The following OSBPL9 variants were observed in gnomAD, a reference collection of about 807,000 sequenced individuals.
The protein encoded by OSBPL9 is oxysterol binding protein like 9, also known as oxysterol-binding protein-related protein 9.
A neutral mutation model predicts 106.6 loss-of-function variants in OSBPL9; 40 were observed. The ratio of observed to expected loss-of-function variants is 0.38; its 90% confidence interval spans 0.29 to 0.49. OSBPL9 has a LOEUF of 0.49. Among genes scored for constraint, OSBPL9 ranks in the 20% least tolerant of loss-of-function variants. The probability of loss-of-function intolerance (pLI) is 0.97; values close to 1 mark genes in which losing one functional copy is unlikely to be tolerated. For synonymous variants in OSBPL9, 269 were observed against 295.4 expected (o/e 0.91, Z 0.92); for missense variants, 609 against 887.2 (o/e 0.69, Z 3.98).
chr1:51,669,933 C>A, intron 3 of OSBPL9: 2 of 384,508 alleles, frequency 5.2e-6, no homozygotes, highest in South Asian at 1.9e-5. Context: ...TAAATTGAAG[C>A]TTAGTGGCAA....
chr1:51,771,837 T>C (rs1673968308), intron 12 of OSBPL9, among the ~76,000 whole-genome samples: 1 of 152,210 alleles, frequency 6.6e-6, no homozygotes, highest in African/African-American at 2.4e-5. Context: ...AGTTTTAAAC[T>C]TAAATGCAGA....
chr1:51,624,704 A>G, intron 1 of OSBPL9, among the ~76,000 whole-genome samples: 1 of 152,226 alleles, frequency 6.6e-6, no homozygotes, highest in East Asian at 1.9e-4. Flanking sequence ...GAAATTTTTT[A>G]TCTTTTACTT....
chr1:51,745,154 A>C (rs1667723287), intron 4 of OSBPL9: 1 of 171,476 alleles, frequency 5.8e-6, no homozygotes, highest in African/African-American at 2.4e-5. Context: ...GAATGAACTG[A>C]ATGAAAAAGG....
intron 1 of OSBPL9, among the ~76,000 whole-genome samples, chr1:51,594,556 ACT>A (rs1417980013): frequency 6.6e-6 from 1 of 152,224 alleles, no homozygotes; most frequent in Non-Finnish European, 1.5e-5. Context: ...CTGCATGCCA[ACT>A]GTGTGCTCCA....
chr1:51,728,889 A>G (rs1174823277), intron 4 of OSBPL9, among the ~76,000 whole-genome samples: 1 of 152,138 alleles, frequency 6.6e-6, no homozygotes, highest in African/African-American at 2.4e-5. Context: ...GTAGAGACAT[A>G]AAAGTACAAA....
At chr1:51,695,549 TATA>T (rs1655839432) in intron 3 of OSBPL9, among the ~76,000 whole-genome samples, 1 of 152,200 alleles carries the variant, frequency 6.6e-6, no homozygotes, top group South Asian at 2.1e-4. Context: ...TTCTGTTTGC[TATA>T]ATATCTCCAA....
chr1:51,567,394 C>G, the OSBPL9 span: 1 of 152,214 alleles, frequency 6.6e-6, no homozygotes, highest in Non-Finnish European at 1.5e-5. Flanking sequence ...AATCCACCTA[C>G]TATCCTCTAG....
At chr1:51,672,391 T>C (rs574949389) in intron 3 of OSBPL9, among the ~76,000 whole-genome samples, 209 of 152,274 alleles carry the variant, frequency 1.4e-3, no homozygotes, top group South Asian at 3.3e-3. Context: ...AATATACAGT[T>C]AGGCATTTTA....
At chr1:51,752,515 G>T (rs1368848230) in intron 8 of OSBPL9, 2 of 455,982 alleles carry the variant, frequency 4.4e-6, no homozygotes, top group Non-Finnish European at 8.8e-6. Flanking sequence ...TACAATCTTG[G>T]TGAGGAATTT....
At chr1:51,594,727 G>C (rs1570535883) in intron 1 of OSBPL9, 1 of 152,244 alleles carries the variant, frequency 6.6e-6, no homozygotes, top group African/African-American at 2.4e-5. Context: ...GTAGCGAGTA[G>C]GGATTTCAGC....
At chr1:51,707,480 T>G (rs575623551) in intron 3 of OSBPL9, 140 of 182,058 alleles carry the variant, frequency 7.7e-4, no homozygotes, top group African/African-American at 2.8e-3. Context: ...AGTTTGGGGA[T>G]GACCTTGCCT....
chr1:51,739,786 T>C (rs774201637), intron 4 of OSBPL9, among the ~76,000 whole-genome samples: 44 of 152,140 alleles, frequency 2.9e-4, no homozygotes, highest in Admixed American at 1.7e-3. Flanking sequence ...GGATTGTAAA[T>C]GTTTCCAAAT....
At chr1:51,640,957 A>T (rs1645755395) in intron 1 of OSBPL9, among the ~76,000 whole-genome samples, 1 of 151,514 alleles carries the variant, frequency 6.6e-6, no homozygotes, top group Non-Finnish European at 1.5e-5. Flanking sequence ...CTAATTAAAA[A>T]AAATTTTTTT....
chr1:51,625,640 C>T (rs1375303567), intron 1 of OSBPL9, among the ~76,000 whole-genome samples: 3 of 152,080 alleles, frequency 2.0e-5, no homozygotes, highest in African/African-American at 7.2e-5. Flanking sequence ...CACCTCACCT[C>T]AGCCTCCTGA....
chr1:51,547,510 A>G, the OSBPL9 span, among the ~76,000 whole-genome samples: 1 of 152,202 alleles, frequency 6.6e-6, no homozygotes, highest in Non-Finnish European at 1.5e-5. Context: ...ATAAAACTTA[A>G]TTATCTAAGT....
chr1:51,727,443 A>T (rs895692479), intron 4 of OSBPL9, among the ~76,000 whole-genome samples: 2 of 152,192 alleles, frequency 1.3e-5, no homozygotes, highest in African/African-American at 4.8e-5. Context: ...TATAATGCTG[A>T]ACAGAATTAG....
chr1:51,756,370 G>A lies in OSBPL9; in HGVS notation c.582+12G>A, dbSNP rs1462544873. The A allele has an allele frequency of 6.2e-7, 1 of 1,611,564 alleles. No homozygotes were observed. The highest frequency in any genetic ancestry group is 2.2e-5 in the East Asian group (1 of 44,816). On this transcript the variant is annotated intron_variant, in intron 9 of 23. Coordinates refer to ENST00000428468, the MANE Select transcript of OSBPL9 (RefSeq NM_024586.6). ...CAGATGGAATGATAGTAAGTTTAAT[G>A]TAATCTTTTTGTTTCCCTTTACTTC...
At chr1:51,702,348 T>C (rs1041267252) in intron 3 of OSBPL9, among the ~76,000 whole-genome samples, 82 of 152,318 alleles carry the variant, frequency 5.4e-4, no homozygotes, top group African/African-American at 1.7e-3. Flanking sequence ...TTCTAACTGG[T>C]GTGAGATGGT....
chr1:51,547,149 T>C, the OSBPL9 span, among the ~76,000 whole-genome samples: 1 of 152,216 alleles, frequency 6.6e-6, no homozygotes, highest in Non-Finnish European at 1.5e-5. Context: ...ACTCCTGGGA[T>C]ATATCCCAAA....
Sources: gnomAD v4.1 joint callset for allele counts (sites outside exome capture counted in the v4.1 genomes callset) on GRCh38, gnomAD v4.1.1 for gene constraint, MANE v1.5 for transcripts, NCBI Gene and HGNC (gene_info 2026-07-23, HGNC 2026-07-21) for gene names.